Variants in SHANK2 observed in about 807,000 individuals in gnomAD.
SHANK2 encodes SH3 and multiple ankyrin repeat domains 2.
A neutral mutation model predicts 133.7 loss-of-function variants in SHANK2; 43 were observed. The ratio of observed to expected loss-of-function variants is 0.32; its 90% CI spans 0.25 to 0.41. SHANK2 has a LOEUF of 0.41. Ranked by LOEUF, SHANK2 falls within the 10% of genes least tolerant of loss-of-function variation. The pLI is 1.00. For synonymous variants in SHANK2, 1,017 were observed against 952.8 expected, an observed-to-expected ratio of 1.07 and a Z score of -1.24; for missense variants, 1,994 against 2,235.8, an observed-to-expected ratio of 0.89 and a Z score of 2.18.
chr11:70,518,617 G>A (rs1050123133), intron 17 of SHANK2, among the ~76,000 whole-genome samples: 2 of 152,166 alleles, frequency 1.3e-5, no homozygotes, highest in African/African-American at 2.4e-5. Context: ...TGCATCCTGC[G>A]GCATTGCTTC....
At chr11:70,657,699 A>G (rs2061421162) in intron 17 of SHANK2, among the ~76,000 whole-genome samples, 2 of 152,356 alleles carry the variant, frequency 1.3e-5, no homozygotes, top group South Asian at 4.1e-4. Context: ...AGGACCAGCC[A>G]TTCCTAGAAT....
At chr11:70,491,760 C>G (rs530920083) in intron 22 of SHANK2, among the ~76,000 whole-genome samples, 1 of 152,362 alleles carries the variant, frequency 6.6e-6, no homozygotes, top group Admixed American at 6.5e-5. Context: ...TCAGCAGCCT[C>G]TGCCCCAGGC....
At chr11:70,571,194 CGTGTTT>C (rs1397985810) in intron 17 of SHANK2, 3 of 152,264 alleles carry the variant, frequency 2.0e-5, no homozygotes, top group Non-Finnish European at 4.4e-5. Context: ...CATCTGCACC[CGTGTTT>C]GTGACTCTCC....
intron 8 of SHANK2, among the ~76,000 whole-genome samples, chr11:71,086,552 T>TAA (rs1427017744): frequency 7.0e-6 from 1 of 142,870 alleles, no homozygotes; most frequent in African/African-American, 2.6e-5. Flanking sequence ...ATATTATATA[T>TAA]AATAATATAT....
intron 10 of SHANK2, among the ~76,000 whole-genome samples, chr11:70,910,494 G>A (rs888949326): frequency 1.3e-5 from 2 of 152,120 alleles, no homozygotes; most frequent in Non-Finnish European, 1.5e-5. Flanking sequence ...GTTATGAAAA[G>A]TGTCACACCC....
At chr11:70,935,403 G>A (rs890167779) in intron 10 of SHANK2, among the ~76,000 whole-genome samples, 9 of 152,140 alleles carry the variant, frequency 5.9e-5, no homozygotes, top group African/African-American at 1.4e-4. Context: ...TTGAAGAACC[G>A]AGTCCTCAGT....
intron 14 of SHANK2, among the ~76,000 whole-genome samples, chr11:70,777,314 T>C (rs946686153): frequency 1.3e-5 from 2 of 150,344 alleles, no homozygotes; most frequent in African/African-American, 2.5e-5. Flanking sequence ...CATGCATCTA[T>C]CTATCCATTC....
intron 10 of SHANK2, among the ~76,000 whole-genome samples, chr11:70,928,243 GC>G (rs1950456001): frequency 6.6e-6 from 1 of 152,144 alleles, no homozygotes; most frequent in Non-Finnish European, 1.5e-5. Context: ...CCATGGAGCT[GC>G]CCCCTCCACC....
intron 12 of SHANK2, among the ~76,000 whole-genome samples, chr11:70,814,829 C>T (rs1483859376): frequency 1.3e-5 from 2 of 152,320 alleles, no homozygotes; most frequent in East Asian, 3.9e-4. Context: ...AGAGGGTGGC[C>T]AGGACATTCC....
At chr11:70,783,844 C>T (rs1555045790) in intron 14 of SHANK2, among the ~76,000 whole-genome samples, 1 of 152,190 alleles carries the variant, frequency 6.6e-6, no homozygotes, top group African/African-American at 2.4e-5. Context: ...AAACAGGATC[C>T]TCCCATCTAT....
chr11:70,686,085 T>TTCCA (rs370106566), intron 15 of SHANK2, among the ~76,000 whole-genome samples: 5 of 121,024 alleles, frequency 4.1e-5, no homozygotes, highest in African/African-American at 1.3e-4. Context: ...CCTTCCTTCC[T>TTCCA]TCCATCCATC....
At chr11:70,509,481 G>T (rs1554968950) in intron 17 of SHANK2, among the ~76,000 whole-genome samples, 2 of 152,216 alleles carry the variant, frequency 1.3e-5, no homozygotes, top group Non-Finnish European at 2.9e-5. Context: ...ACTCTTCCTT[G>T]CAGGAGCTCA....
chr11:70,595,469 C>A (rs72639106), intron 17 of SHANK2, among the ~76,000 whole-genome samples: 37,850 of 152,214 alleles, frequency 0.25, 5,080 homozygotes, highest in Admixed American at 0.37. Context: ...ATGAGGCTCA[C>A]CCAGCTTGGC....
intron 17 of SHANK2, among the ~76,000 whole-genome samples, chr11:70,542,406 A>T (rs1213517018): frequency 6.6e-6 from 1 of 152,158 alleles, no homozygotes; most frequent in Admixed American, 6.5e-5. Flanking sequence ...GAGCTGGAGG[A>T]GGCAAGGAAG....
chr11:70,587,334 C>T (rs530753074), intron 17 of SHANK2, among the ~76,000 whole-genome samples: 1 of 152,280 alleles, frequency 6.6e-6, no homozygotes, highest in South Asian at 2.1e-4. Flanking sequence ...ACTAGACAGG[C>T]CCTAATGGGG....
At chr11:70,769,288 G>T (rs1324611730) in intron 14 of SHANK2, among the ~76,000 whole-genome samples, 1 of 152,176 alleles carries the variant, frequency 6.6e-6, no homozygotes, top group Non-Finnish European at 1.5e-5. Flanking sequence ...TGGCCCCAGG[G>T]ACGGTGCCCA....
At chr11:70,858,829 G>A (rs1555067258) in intron 11 of SHANK2, among the ~76,000 whole-genome samples, 1 of 152,222 alleles carries the variant, frequency 6.6e-6, no homozygotes, top group African/African-American at 2.4e-5. Flanking sequence ...GCATCTGGGA[G>A]AACCCAAGCA....
intron 10 of SHANK2, among the ~76,000 whole-genome samples, chr11:70,931,174 T>C (rs1049462651): frequency 1.3e-5 from 2 of 152,044 alleles, no homozygotes; most frequent in African/African-American, 2.4e-5. Flanking sequence ...GGCAAATCCA[T>C]AGTGACAGAA....
chr11:70,650,039 G>A (rs2061321144), intron 17 of SHANK2, among the ~76,000 whole-genome samples: 1 of 152,224 alleles, frequency 6.6e-6, no homozygotes, highest in African/African-American at 2.4e-5. Context: ...TAGTAAGTCA[G>A]TCACCTAACA....
Sources: gnomAD v4.1 joint callset for allele counts (sites outside exome capture counted in the v4.1 genomes callset) on GRCh38, gnomAD v4.1.1 for gene constraint, MANE v1.5 for transcripts, NCBI Gene and HGNC (gene_info 2026-07-23, HGNC 2026-07-21) for gene names.